Variants in LRP1B observed in about 807,000 individuals in gnomAD.
LRP1B encodes LDL receptor related protein 1B, also known as low-density lipoprotein receptor-related protein 1B.
A neutral mutation model predicts 556.6 loss-of-function variants in LRP1B; 217 were observed. The observed-to-expected ratio is 0.39, with a 90% CI of 0.35 to 0.44. LRP1B has a LOEUF of 0.44. Among genes scored for constraint, LRP1B ranks in the 20% least tolerant of loss-of-function variants. The pLI is 1.00. For missense variants in LRP1B, 5,053 were observed against 5,620.8 expected (o/e 0.90, Z 3.23); for synonymous variants, 2,047 against 1,865.8 (o/e 1.10, Z -2.50).
chr2:141,622,075 G>A (rs1228361503), intron 2 of LRP1B, among the ~76,000 whole-genome samples: 1 of 151,964 alleles, frequency 6.6e-6, no homozygotes, highest in African/African-American at 2.4e-5. Context: ...ATTTTTAGTA[G>A]AGACGAGGTT....
At chr2:141,997,257 G>C (rs1173016651) in intron 1 of LRP1B, among the ~76,000 whole-genome samples, 1 of 151,940 alleles carries the variant, frequency 6.6e-6, no homozygotes, top group Admixed American at 6.6e-5. Flanking sequence ...TTTGATATTT[G>C]TGTTACGTTT....
chr2:140,852,530 C>T (rs613897), intron 27 of LRP1B, among the ~76,000 whole-genome samples: 1 of 152,232 alleles, frequency 6.6e-6, no homozygotes, highest in South Asian at 2.1e-4. Flanking sequence ...AGAGGCTTCC[C>T]TAGGAAACTA....
At chr2:140,665,406 C>T (rs79848154) in intron 41 of LRP1B, among the ~76,000 whole-genome samples, 543 of 152,296 alleles carry the variant, frequency 3.6e-3, no homozygotes, top group Middle Eastern at 0.014. Context: ...TTTTCTACAA[C>T]ATAGACTCTA....
At chr2:141,225,954 C>CATTACTAAT in intron 6 of LRP1B, among the ~76,000 whole-genome samples, 1 of 152,096 alleles carries the variant, frequency 6.6e-6, no homozygotes, top group Admixed American at 6.6e-5. Context: ...TGTAAGCCAA[C>CATTACTAAT]ATTACTAATA....
At chr2:140,286,120 G>T (rs1328129758) in intron 84 of LRP1B, among the ~76,000 whole-genome samples, 1 of 151,898 alleles carries the variant, frequency 6.6e-6, no homozygotes, top group African/African-American at 2.4e-5. Context: ...CTGGCACACA[G>T]TAGATGCTCT....
At chr2:141,315,882 C>CTTTTTTTTTTTTTTT (rs70991157) in intron 3 of LRP1B, among the ~76,000 whole-genome samples, 2 of 18,140 alleles carry the variant, frequency 1.1e-4, no homozygotes, top group Non-Finnish European at 9.2e-5. Context: ...TTAGTCTGGT[C>CTTTTTTTTTTTTTTT]TTTTTTTTTT....
chr2:140,412,399 A>C (rs13003289), intron 66 of LRP1B, among the ~76,000 whole-genome samples: 13,351 of 152,104 alleles, frequency 0.088, 689 homozygotes, highest in Middle Eastern at 0.14. Context: ...ACTTTCTTAA[A>C]TGGACTAGAT....
intron 7 of LRP1B, among the ~76,000 whole-genome samples, chr2:141,119,657 A>G: frequency 6.6e-6 from 1 of 151,806 alleles, no homozygotes. Flanking sequence ...AAAATAACTA[A>G]TGCATGTCTT....
intron 1 of LRP1B, among the ~76,000 whole-genome samples, chr2:141,910,097 C>T (rs921312461): frequency 8.8e-5 from 13 of 147,798 alleles, no homozygotes; most frequent in Admixed American, 6.1e-4. Context: ...GCGTAGATCA[C>T]GCCACTGCAC....
chr2:141,681,058 G>A (rs1184357967), intron 2 of LRP1B, among the ~76,000 whole-genome samples: 3 of 152,076 alleles, frequency 2.0e-5, no homozygotes, highest in African/African-American at 4.8e-5. Context: ...TTGAGAGGCT[G>A]AGGTGGGTAG....
intron 27 of LRP1B, 41 bp from the exon 28 acceptor site, chr2:140,851,824 A>G: frequency 6.4e-7 from 1 of 1,561,032 alleles, no homozygotes; most frequent in East Asian, 2.3e-5. Flanking sequence ...AAGAAGGAAG[A>G]ATGTATTAGG....
intron 2 of LRP1B, among the ~76,000 whole-genome samples, chr2:141,492,079 G>GAAAAAAAAAAAAAAAAAA (rs1553521014): frequency 0.044 from 346 of 7,932 alleles, 10 homozygotes; most frequent in Non-Finnish European, 0.1. Flanking sequence ...TTAGCTTTCT[G>GAAAAAAAAAAAAAAAAAA]AAAAAAAAAA....
At chr2:140,402,280 G>A (rs970138814) in intron 66 of LRP1B, among the ~76,000 whole-genome samples, 3 of 152,164 alleles carry the variant, frequency 2.0e-5, no homozygotes, top group African/African-American at 7.2e-5. Flanking sequence ...CAAAATTGCA[G>A]TGCTGGGATC....
intron 1 of LRP1B, among the ~76,000 whole-genome samples, chr2:142,024,712 T>G (rs948317040): frequency 6.6e-6 from 1 of 151,584 alleles, no homozygotes; most frequent in African/African-American, 2.4e-5. Flanking sequence ...CTTTAAAATC[T>G]TAGGTTAATT....
intron 2 of LRP1B, among the ~76,000 whole-genome samples, chr2:141,579,724 C>CTT (rs33913417): frequency 0.48 from 48,593 of 100,334 alleles, 14,729 homozygotes; most frequent in Non-Finnish European, 0.57. Flanking sequence ...TCAGGTTTCA[C>CTT]TTTTTTTTTT....
At chr2:141,211,061 C>T (rs1682519766) in intron 6 of LRP1B, among the ~76,000 whole-genome samples, 1 of 152,064 alleles carries the variant, frequency 6.6e-6, no homozygotes, top group Non-Finnish European at 1.5e-5. Flanking sequence ...GATCTCAGCT[C>T]ACTGCAACCT....
At chr2:141,597,646 T>C (rs192158045) in intron 2 of LRP1B, among the ~76,000 whole-genome samples, 6 of 152,242 alleles carry the variant, frequency 3.9e-5, no homozygotes, top group Admixed American at 2.0e-4. Context: ...AAATCTCAAA[T>C]ACAGTTTGCT....
Position 140,514,635 on chromosome 2 carries a change from A to T in LRP1B, c.8269+18T>A. The T allele has an allele frequency of 6.2e-7, 1 of 1,601,262 alleles. No homozygotes were observed. The highest frequency in any genetic ancestry group is 8.5e-7 in the Non-Finnish European group (1 of 1,173,032). On this transcript the variant is annotated intron_variant, in intron 51 of 90. Coordinates refer to ENST00000389484, the MANE Select transcript of LRP1B (RefSeq NM_018557.3). ...TAATGCTTAAAAACTGATTGAGGAC[A>T]GAAGATACACAACTTACCACAAATG... is the stretch of plus-strand genomic sequence containing the variant.
intron 3 of LRP1B, among the ~76,000 whole-genome samples, chr2:141,437,156 G>A (rs1261825885): frequency 6.6e-6 from 1 of 151,990 alleles, no homozygotes; most frequent in Non-Finnish European, 1.5e-5. Flanking sequence ...ATAAATCAAA[G>A]CTCACTGATG....
Sources: gnomAD v4.1 joint callset for allele counts (sites outside exome capture counted in the v4.1 genomes callset) on GRCh38, gnomAD v4.1.1 for gene constraint, MANE v1.5 for transcripts, NCBI Gene and HGNC (gene_info 2026-07-23, HGNC 2026-07-21) for gene names.